Variants in TP53I3 observed in about 807,000 individuals in gnomAD.
The protein encoded by TP53I3 is tumor protein p53 inducible protein 3.
A neutral mutation model predicts 27.7 loss-of-function variants in TP53I3; 32 were observed. That is an observed-to-expected ratio of 1.16 (90% CI 0.87 to 1.55). The LOEUF is 1.55. TP53I3 is among the 40% of genes most tolerant of loss of function. The pLI is 0.00. For missense variants in TP53I3, 372 were observed against 412.3 expected (o/e 0.90, Z 0.85); for synonymous variants, 138 against 167.8 (o/e 0.82, Z 1.37).
Position 24,083,107 on chromosome 2 carries a change from C to T in TP53I3, c.184G>A (p.Gly62Arg). 6.2e-7 allele frequency: 1 copy of T among 1,613,850 alleles called. No individual in the cohort carries two copies. Among genetic ancestry groups the T allele is most frequent in the Non-Finnish European group, 8.5e-7 (1 of 1,179,830 alleles). ...DPPPGASNIL[G>R]LEASGHVAEL... ...GCCACATGTCCAGATGCCTCAAGTC[C>T]CAAAATGTTGCTGGCTCCTGGAGGT... Residue 62 changes from glycine to arginine, a missense_variant, in exon 2 of 5, where the codon GGA (glycine) becomes AGA (arginine). By Grantham distance (125) the Gly-to-Arg change is moderately radical. Coordinates refer to ENST00000238721, the MANE Select transcript of TP53I3 (RefSeq NM_004881.5).
chr2:24,080,000 C>T (rs765978919), intron 3 of TP53I3, among the ~76,000 whole-genome samples: 2 of 152,088 alleles, frequency 1.3e-5, no homozygotes, highest in East Asian at 1.9e-4. Flanking sequence ...AGGAAGTGTC[C>T]GCACTAGGTT....
At position 24,082,875 on chromosome 2, in the gene TP53I3, G is replaced by T. The variant is rs201028054; in HGVS notation, c.406+10C>A. 1.3e-5 allele frequency: 20 copies of T among 1,595,446 alleles called. No individual in the cohort carries two copies. Among genetic ancestry groups the T allele is most frequent in the Middle Eastern group, 2.2e-4 (1 of 4,470 alleles). On this transcript the variant is annotated intron_variant, in intron 2 of 4. Coordinates refer to ENST00000238721, the MANE Select transcript of TP53I3 (RefSeq NM_004881.5). The stretch of plus-strand genomic sequence containing the variant: ...CACATTGTGTGGAGTGAGCATGGAG[G>T]CCTCCTCACCCACAAGATGTAACAG...
rs765163231 is a variant in TP53I3, at chr2:24,080,795, T to G, written c.619+24A>C. The stretch of plus-strand genomic sequence containing the variant: ...ATTTAATCATCTCTTAAATTCCTGC[T>G]GAACTGTAGAAGCAGTTGTTTACCT... On this transcript the variant is annotated intron_variant, in intron 3 of 4. Coordinates refer to ENST00000238721, the MANE Select transcript of TP53I3 (RefSeq NM_004881.5). This position sits in a 1 kb window ranked among gnomAD's most constrained non-coding sequence, Gnocchi z 4.7. 6.2e-7 allele frequency: 1 copy of G among 1,613,314 alleles called. No homozygotes were observed. The highest frequency in any genetic ancestry group is 8.5e-7 in the Non-Finnish European group (1 of 1,179,386).
chr2:24,079,584 C>T lies in TP53I3; in HGVS notation c.676G>A (p.Val226Ile), dbSNP rs200754724. ...CGACCATCAAGAGCCAGGCAGTTGA[C>T]GTTCTTCTCCCAGTAGGATCCGCCT... ...CIGGSYWEKN[V>I]NCLALDGRWV... The change falls in exon 4 of 5, where the codon GTC (valine) becomes ATC (isoleucine). Residue 226 changes from valine to isoleucine, a missense_variant. Physicochemically the swap from Val to Ile is conservative, Grantham distance 29. Transcript: ENST00000238721. The T allele has an allele frequency of 4.0e-5, 64 of 1,614,126 alleles. No individual in the cohort carries two copies. The highest frequency in any genetic ancestry group is 1.6e-4 in the Middle Eastern group (1 of 6,062).
intron 2 of TP53I3, 30 bp downstream of exon 2, chr2:24,082,855 T>C: frequency 1.3e-6 from 2 of 1,576,240 alleles, no homozygotes; most frequent in Non-Finnish European, 1.7e-6. Flanking sequence ...TGAGCCACAT[T>C]GTGTGGAGTG....
intron 3 of TP53I3, 59 bp from the exon 4 acceptor site, chr2:24,079,699 G>A (rs1664917646): frequency 1.3e-6 from 2 of 1,518,956 alleles, no homozygotes. Context: ...AGATACCATG[G>A]TATATTTGGG....
Position 24,083,141 on chromosome 2 carries a change from C to G in TP53I3, c.150G>C (p.Gln50His). ...NRADLMQRQG[Q>H]YDPPPGASNI... ...TGCTGGCTCCTGGAGGTGGGTCATA[C>G]TGGCCTTGTCTCTGCAGAGAAAGAA... is the stretch of plus-strand genomic sequence containing the variant. The change falls in exon 2 of 5, where the codon CAG (glutamine) becomes CAC (histidine). Residue 50 changes from glutamine (Q) to histidine (H), a missense_variant. Coordinates refer to ENST00000238721, the MANE Select transcript of TP53I3 (RefSeq NM_004881.5). 1 of 1,607,662 alleles carries G rather than the reference C, an allele frequency of 6.2e-7. No individual in the cohort carries two copies. Among genetic ancestry groups the G allele is most frequent in the Admixed American group, 1.7e-5 (1 of 59,716 alleles).
chr2:24,083,765 G>T (rs1239533835), intron 1 of TP53I3, among the ~76,000 whole-genome samples: 1 of 152,168 alleles, frequency 6.6e-6, no homozygotes, highest in Non-Finnish European at 1.5e-5. Context: ...AAAGAGTTAA[G>T]AGGTCTTTGG....
In TP53I3 at chr2:24,077,509, T is replaced by C. The variant is rs1664801947; in HGVS notation, c.*70A>G. On this transcript the variant is annotated 3_prime_UTR_variant, in exon 5 of 5. Transcript: ENST00000238721. This position sits in a 1 kb window ranked among gnomAD's most constrained non-coding sequence, Gnocchi z 5.5. ...AGCACCGGGTTTCTTGGCCTGTCTA[T>C]TGTGAATCTTCTCCAGGTTTGCTCT... 3 of 1,502,320 alleles carry C rather than the reference T, an allele frequency of 2.0e-6. No homozygotes were observed. Among genetic ancestry groups the C allele is most frequent in the Non-Finnish European group, 1.8e-6 (2 of 1,119,182 alleles). 93.1% of individuals were successfully genotyped at this position (1,502,320 alleles called of 1,614,324 possible).
At chr2:24,079,305 T>A (rs1465525126) in intron 4 of TP53I3, 139 bp downstream of exon 4, 3 of 882,868 alleles carry the variant, frequency 3.4e-6, no homozygotes, top group Non-Finnish European at 5.1e-6. Context: ...TCGGGTTCCC[T>A]CTTTATCTTC....
At chr2:24,083,933 C>T (rs558304680) in intron 1 of TP53I3, among the ~76,000 whole-genome samples, 1 of 152,310 alleles carries the variant, frequency 6.6e-6, no homozygotes, top group Non-Finnish European at 1.5e-5. Flanking sequence ...CACCCCACAA[C>T]AATGTTAGTT....
chr2:24,084,441 C>T lies in TP53I3; in HGVS notation c.-115G>A, dbSNP rs922160777. 3.8e-6 allele frequency: 5 copies of T among 1,328,654 alleles called. No homozygotes were observed. Among genetic ancestry groups the T allele is most frequent in the Non-Finnish European group, 5.0e-6 (5 of 1,010,010 alleles). 82.3% of individuals were successfully genotyped at this position (1,328,654 alleles called of 1,614,324 possible). ...CAGGGGCCGCTGTATCCTCGCGGAG[C>T]AGCCCAGCCTCAGGCTGGCACCGCA... On this transcript the variant is annotated 5_prime_UTR_variant, in exon 1 of 5. Transcript: ENST00000238721. The surrounding 1 kb of genome is among the most constrained non-coding windows in gnomAD (Gnocchi z 8.4).
rs1426094229 is a variant in TP53I3 at position 24,084,438 on chromosome 2, G to C, written c.-112C>G. The C allele has an allele frequency of 3.7e-6, 5 of 1,338,186 alleles. No homozygotes were observed. The highest frequency in any genetic ancestry group is 3.9e-6 in the Non-Finnish European group (4 of 1,017,228). The allele number at this position is 1,338,186 out of a possible 1,614,324, so 82.9% of individuals were successfully genotyped here. A position where few individuals can be genotyped will look rare whatever the true frequency, so the allele number is the denominator to read the frequency against. On this transcript the variant is annotated 5_prime_UTR_variant, in exon 1 of 5. Coordinates refer to ENST00000238721, the MANE Select transcript of TP53I3 (RefSeq NM_004881.5). This position sits in a 1 kb window ranked among gnomAD's most constrained non-coding sequence, Gnocchi z 8.4. The stretch of plus-strand genomic sequence containing the variant: ...GGGCAGGGGCCGCTGTATCCTCGCG[G>C]AGCAGCCCAGCCTCAGGCTGGCACC...
At chr2:24,081,749 C>T (rs1258133635) in intron 2 of TP53I3, among the ~76,000 whole-genome samples, 2 of 149,190 alleles carry the variant, frequency 1.3e-5, no homozygotes, top group Non-Finnish European at 3.0e-5. Flanking sequence ...AGTGCAGTGG[C>T]GCAATCTTGG....
chr2:24,083,054 G>A lies in TP53I3; in HGVS notation c.237C>T (p.His79=), dbSNP rs1175164798. 6.2e-7 allele frequency: 1 copy of A among 1,614,158 alleles called. No homozygotes were observed. The highest frequency in any genetic ancestry group is 1.1e-5 in the South Asian group (1 of 91,092). The stretch of plus-strand genomic sequence containing the variant: ...CCATGGCTGTGTCCCCGATCTTCCA[G>A]TGTCCCTGGCAGCCAGGCCCCAGCT... ...VAELGPGCQG[H]WKIGDTAMAL... The change falls in exon 2 of 5, where the codon CAC becomes CAT. Residue 79 remains histidine, a synonymous_variant. Coordinates refer to ENST00000238721, the MANE Select transcript of TP53I3 (RefSeq NM_004881.5).
rs1275881609 is a variant in TP53I3 at position 24,084,585 on chromosome 2, TG to T, written c.-260del. ...AGACCGATCCCACCCGGAACACAGA[TG>T]GGAACGGCGGGAAGTGGGATGGCGG... On this transcript the variant is annotated 5_prime_UTR_variant, in exon 1 of 5. Coordinates refer to ENST00000238721, the MANE Select transcript of TP53I3 (RefSeq NM_004881.5). This position sits in a 1 kb window ranked among gnomAD's most constrained non-coding sequence, Gnocchi z 8.4. 9.4e-6 allele frequency: 4 copies of T among 424,720 alleles called. No homozygotes were observed. The highest frequency in any genetic ancestry group is 7.9e-5 in the East Asian group (2 of 25,182). 26.3% of individuals were successfully genotyped at this position (424,720 alleles called of 1,614,324 possible). A position where few individuals can be genotyped will look rare whatever the true frequency, so the allele number is the denominator to read the frequency against.
rs761247310 is a variant in TP53I3 at position 24,084,380 on chromosome 2, G to GCAGGGCAGGA, written c.-55_-54insTCCTGCCCTG. Reference sequence around the variant, plus strand: ...GCAGGACAGGACAGGGCAGGGCAGGGCAGGACAGGACAGGGCAGGGCAGGA... The same window carrying GCAGGGCAGGA: ...GCAGGACAGGACAGGGCAGGGCAGGGCAGGGCAGGACAGGACAGGACAGGGCAGGGCAGGA... On this transcript the variant is annotated 5_prime_UTR_variant, in exon 1 of 5. Coordinates refer to ENST00000238721, the MANE Select transcript of TP53I3 (RefSeq NM_004881.5). This position sits in a 1 kb window ranked among gnomAD's most constrained non-coding sequence, Gnocchi z 8.4. The GCAGGGCAGGA allele has an allele frequency of 8.9e-7, 1 of 1,129,820 alleles. No homozygotes were observed. The highest frequency in any genetic ancestry group is 1.6e-5 in the African/African-American group (1 of 62,802). 70.0% of individuals were successfully genotyped at this position (1,129,820 alleles called of 1,614,324 possible).
At chr2:24,083,510 C>G (rs373306114) in intron 1 of TP53I3, among the ~76,000 whole-genome samples, 1 of 152,146 alleles carries the variant, frequency 6.6e-6, no homozygotes, top group African/African-American at 2.4e-5. Flanking sequence ...CTCACTCACC[C>G]CAGTCCTCAG....
chr2:24,080,604 T>C lies in TP53I3; in HGVS notation c.619+215A>G. On this transcript the variant is annotated intron_variant, in intron 3 of 4. Transcript: ENST00000238721. The surrounding 1 kb of genome is among the most constrained non-coding windows in gnomAD (Gnocchi z 4.7). Reference sequence around the variant, plus strand: ...TGGTCTAAAGTGTGGATGAATCTTATCTCTTGCAAGAATGCACATGGAAAC... The same window carrying C: ...TGGTCTAAAGTGTGGATGAATCTTACCTCTTGCAAGAATGCACATGGAAAC... 2 of 609,548 alleles carry C rather than the reference T, an allele frequency of 3.3e-6. No individual in the cohort carries two copies. The highest frequency in any genetic ancestry group is 5.9e-6 in the Non-Finnish European group (2 of 337,380). 37.8% of individuals were successfully genotyped at this position (609,548 alleles called of 1,614,324 possible). A position where few individuals can be genotyped will look rare whatever the true frequency, so the allele number is the denominator to read the frequency against.
Sources: gnomAD v4.1 joint callset for allele counts (sites outside exome capture counted in the v4.1 genomes callset) on GRCh38, gnomAD v4.1.1 for gene constraint, Gnocchi (gnomAD v3.1) non-coding constraint, MANE v1.5 for transcripts, NCBI Gene and HGNC (gene_info 2026-07-23, HGNC 2026-07-21) for gene names.